Variants in CXADR observed in about 807,000 individuals in gnomAD.
CXADR encodes coxsackievirus and adenovirus receptor.
A neutral mutation model predicts 40.3 loss-of-function variants in CXADR; 20 were observed. The ratio of observed to expected loss-of-function variants is 0.50; its 90% confidence interval spans 0.35 to 0.72. CXADR has a LOEUF of 0.72. Ranked by LOEUF, CXADR falls within the 30% of genes least tolerant of loss-of-function variation. The pLI is 0.01. For missense variants in CXADR, 332 were observed against 449.1 expected (o/e 0.74, Z 2.36); for synonymous variants, 150 against 161.3 (o/e 0.93, Z 0.53).
At chr21:17,629,940 A>G in the CXADR span, among the ~76,000 whole-genome samples, 1 of 152,236 alleles carries the variant, frequency 6.6e-6, no homozygotes, top group Non-Finnish European at 1.5e-5. Context: ...GGAAAACACC[A>G]AGATGGGCCA....
the CXADR span, among the ~76,000 whole-genome samples, chr21:17,624,503 C>G: frequency 6.6e-6 from 1 of 152,152 alleles, no homozygotes; most frequent in Admixed American, 6.5e-5. Context: ...AGAAACAGTG[C>G]ATGCTATCCT....
At chr21:17,598,875 A>C in the CXADR span, 1 of 1,445,442 alleles carries the variant, frequency 6.9e-7, no homozygotes, top group South Asian at 1.3e-5. Context: ...TCAGCAAAGC[A>C]AAAAATGTCC....
downstream of CXADR, chr21:17,598,526 C>A (rs1221451907): frequency 5.5e-6 from 6 of 1,097,004 alleles, 1 homozygote; most frequent in African/African-American, 9.5e-5. Context: ...AATCTCAAGT[C>A]AGAAACCTTG....
At chr21:17,536,565 G>A (rs1373667432) in intron 1 of CXADR, among the ~76,000 whole-genome samples, 1 of 152,072 alleles carries the variant, frequency 6.6e-6, no homozygotes, top group Non-Finnish European at 1.5e-5. Context: ...AAGGGAGAAG[G>A]CTGACTGAAT....
At chr21:17,634,631 C>T in the CXADR span, among the ~76,000 whole-genome samples, 6 of 152,188 alleles carry the variant, frequency 3.9e-5, no homozygotes, top group Admixed American at 1.3e-4. Context: ...TATTCCATGC[C>T]TATGATACAT....
intron 7 of CXADR, among the ~76,000 whole-genome samples, chr21:17,589,760 C>T (rs1337833687): frequency 1.3e-5 from 2 of 152,014 alleles, no homozygotes; most frequent in South Asian, 2.1e-4. Context: ...TAATGGTCCT[C>T]GTTTGAGTAC....
chr21:17,567,782 G>C lies in CXADR; in HGVS notation c.*2090G>C, dbSNP rs1352438837. The C allele has an allele frequency of 5.5e-6, 5 of 915,600 alleles. No homozygotes were observed. The highest frequency in any genetic ancestry group is 6.5e-6 in the Non-Finnish European group (5 of 766,918). 56.7% of individuals were successfully genotyped at this position (915,600 alleles called of 1,614,324 possible). On this transcript the variant is annotated 3_prime_UTR_variant, in exon 7 of 7. Coordinates refer to ENST00000284878, the MANE Select transcript of CXADR (RefSeq NM_001338.5). ...TAAAGTTTTGGTTCTTCCTATTCCT[G>C]ACTTTCATATAATGAAAATTATCCT... is the stretch of plus-strand genomic sequence containing the variant.
chr21:17,560,939 ACT>A, intron 5 of CXADR, 115 bp downstream of exon 5: 1 of 1,437,092 alleles, frequency 7.0e-7, no homozygotes, highest in Non-Finnish European at 9.3e-7. Context: ...TGATCAGAAC[ACT>A]GTGGTTTGAT....
At chr21:17,523,799 A>T (rs1467037059) in intron 1 of CXADR, among the ~76,000 whole-genome samples, 3 of 152,308 alleles carry the variant, frequency 2.0e-5, no homozygotes, top group African/African-American at 4.8e-5. Flanking sequence ...TAAGAAAACA[A>T]ACCTAGTAAT....
intron 1 of CXADR, among the ~76,000 whole-genome samples, chr21:17,532,000 G>A (rs2060683682): frequency 6.6e-6 from 1 of 150,576 alleles, no homozygotes; most frequent in Non-Finnish European, 1.5e-5. Flanking sequence ...GGAATGCAGT[G>A]ATGCAGTCAC....
At chr21:17,563,414 AG>A (rs1185027786) in intron 6 of CXADR, among the ~76,000 whole-genome samples, 1 of 149,996 alleles carries the variant, frequency 6.7e-6, no homozygotes, top group Non-Finnish European at 1.5e-5. Context: ...GGCCTGAGGG[AG>A]GGGTGAGAGA....
chr21:17,594,948 CAT>C (rs1491161638), downstream of CXADR, among the ~76,000 whole-genome samples: 9 of 151,608 alleles, frequency 5.9e-5, no homozygotes, highest in East Asian at 5.8e-4. Flanking sequence ...CCCTGTGACA[CAT>C]GTTTACCTAT....
intron 1 of CXADR, chr21:17,518,725 G>T: frequency 6.2e-7 from 1 of 1,601,330 alleles, no homozygotes; most frequent in Non-Finnish European, 8.5e-7. Context: ...GATTGGTTTG[G>T]CTTCTGCATG....
intron 1 of CXADR, among the ~76,000 whole-genome samples, chr21:17,544,779 G>A (rs1327190407): frequency 6.6e-6 from 1 of 152,158 alleles, no homozygotes; most frequent in Non-Finnish European, 1.5e-5. Flanking sequence ...TTTCAGGAGT[G>A]CATTTACATG....
rs2061104878 is a variant in CXADR, at chr21:17,560,655, A to G, written c.572-47A>G. On this transcript the variant is annotated intron_variant, in intron 4 of 6. Transcript: ENST00000284878. The stretch of plus-strand genomic sequence containing the variant: ...CTATGTTTACTAACACCTGATAACA[A>G]TACATACTATAAAAATGAGTTTGTT... 3.8e-6 allele frequency: 6 copies of G among 1,569,826 alleles called. No individual in the cohort carries two copies. In the South Asian group the frequency reaches 4.5e-5, roughly 12 times the overall value.
At chr21:17,593,248 T>C in exon 8 of CXADR, 1 of 1,344,258 alleles carries the variant, frequency 7.4e-7, no homozygotes, top group Non-Finnish European at 9.7e-7. Flanking sequence ...ATTTTAGGCC[T>C]CTAGTAAAGA....
the CXADR span, among the ~76,000 whole-genome samples, chr21:17,623,937 A>AT: frequency 6.6e-6 from 1 of 152,202 alleles, no homozygotes; most frequent in Non-Finnish European, 1.5e-5. Flanking sequence ...TCCTATGTCC[A>AT]TTGTAATTTC....
At chr21:17,554,509 T>G (rs1024285916) in intron 3 of CXADR, among the ~76,000 whole-genome samples, 3 of 151,986 alleles carry the variant, frequency 2.0e-5, no homozygotes, top group African/African-American at 7.3e-5. Flanking sequence ...GGGGATAAAC[T>G]GGGGATGAGA....
intron 1 of CXADR, among the ~76,000 whole-genome samples, chr21:17,545,786 T>G (rs867216315): frequency 3.3e-5 from 5 of 151,410 alleles, no homozygotes; most frequent in African/African-American, 1.2e-4. Flanking sequence ...TTTTTGTTTT[T>G]TTTTTTTTTT....
Sources: allele counts gnomAD v4.1 joint callset (sites outside exome capture counted in the v4.1 genomes callset), GRCh38; gene constraint gnomAD v4.1.1; transcripts MANE v1.5; gene names NCBI Gene and HGNC (gene_info 2026-07-23, HGNC 2026-07-21).